Variants in ZNF600 observed in about 807,000 individuals in gnomAD.
The protein encoded by ZNF600 is zinc finger protein KR-ZNF1.
ZNF600 carries 4 observed loss-of-function variants against 7.3 expected under a neutral mutation model. That is an observed-to-expected ratio of 0.55 (90% CI 0.27 to 1.25). The LOEUF (loss-of-function observed/expected upper bound fraction) is 1.25, where lower values mean the gene tolerates loss of function less well. Ranked by LOEUF, ZNF600 falls within the 50% of genes most tolerant of loss-of-function variation. The pLI, the probability that ZNF600 is intolerant of heterozygous loss-of-function variation, is 0.12. For missense variants in ZNF600, 911 were observed against 922.1 expected, an observed-to-expected ratio of 0.99 and a Z score of 0.16; for synonymous variants, 290 against 308.9, an observed-to-expected ratio of 0.94 and a Z score of 0.64.
upstream of ZNF600, among the ~76,000 whole-genome samples, chr19:52,791,351 C>G (rs976667645): frequency 6.6e-6 from 1 of 152,202 alleles, no homozygotes; most frequent in African/African-American, 2.4e-5. Flanking sequence ...CTCAGAGCAG[C>G]TGAGAGGAAC....
At chr19:52,765,634 T>C (rs767135259) in exon 4 of ZNF600, 7 of 1,613,862 alleles carry the variant, frequency 4.3e-6, no homozygotes, top group South Asian at 1.1e-5. Flanking sequence ...TGAATAAGTG[T>C]TGACTGCTTG....
intron 1 of ZNF600, among the ~76,000 whole-genome samples, chr19:52,785,684 T>C (rs1413734384): frequency 2.0e-5 from 3 of 152,156 alleles, no homozygotes; most frequent in African/African-American, 7.2e-5. Flanking sequence ...TATACCCCTC[T>C]GTCCCCACTC....
chr19:52,779,848 C>T (rs1444986093), intron 1 of ZNF600, among the ~76,000 whole-genome samples: 5 of 152,086 alleles, frequency 3.3e-5, no homozygotes, highest in Non-Finnish European at 7.4e-5. Context: ...GGACACCAGC[C>T]AGCCAACATG....
chr19:52,816,178 A>T, the ZNF600 span, among the ~76,000 whole-genome samples: 757 of 145,582 alleles, frequency 5.2e-3, 127 homozygotes, highest in African/African-American at 0.019. Context: ...TTTTACCACA[A>T]AATATATACA....
At chr19:52,801,472 G>A in the ZNF600 span, 1 of 1,614,120 alleles carries the variant, frequency 6.2e-7, no homozygotes, top group Non-Finnish European at 8.5e-7. Context: ...TGATCATGTT[G>A]GCCTGTACTA....
At chr19:52,788,499 G>A (rs2062782977), upstream of ZNF600, among the ~76,000 whole-genome samples, 1 of 152,154 alleles carries the variant, frequency 6.6e-6, no homozygotes, top group African/African-American at 2.4e-5. Flanking sequence ...ACACAGGGGA[G>A]ACCTCACCAG....
the ZNF600 span, among the ~76,000 whole-genome samples, chr19:52,818,954 G>C: frequency 9.6e-5 from 13 of 136,030 alleles, 1 homozygote; most frequent in South Asian, 2.9e-4. Flanking sequence ...TGAGTAATGT[G>C]ATAGACACTG....
the ZNF600 span, among the ~76,000 whole-genome samples, chr19:52,808,474 T>C: frequency 6.6e-6 from 1 of 152,058 alleles, no homozygotes; most frequent in South Asian, 2.1e-4. Flanking sequence ...GATGACAATG[T>C]CCACAGTAAG....
chr19:52,800,590 C>T, the ZNF600 span: 3 of 1,613,124 alleles, frequency 1.9e-6, no homozygotes, highest in Admixed American at 1.7e-5. Context: ...TATGCAAAAG[C>T]CTTGTCACAA....
intron 1 of ZNF600, among the ~76,000 whole-genome samples, chr19:52,779,548 A>T (rs1488439955): frequency 6.6e-6 from 1 of 152,158 alleles, no homozygotes; most frequent in Non-Finnish European, 1.5e-5. Context: ...ATCACACAGA[A>T]CAGGCAACGT....
chr19:52,783,422 C>A (rs373832185), intron 1 of ZNF600, among the ~76,000 whole-genome samples: 2 of 152,084 alleles, frequency 1.3e-5, no homozygotes, highest in East Asian at 1.9e-4. Flanking sequence ...AGGGCAGTGG[C>A]GCGATCTCGG....
the ZNF600 span, among the ~76,000 whole-genome samples, chr19:52,827,020 GC>G: frequency 6.6e-6 from 1 of 151,970 alleles, no homozygotes; most frequent in African/African-American, 2.4e-5. Context: ...GCTATAGTGA[GC>G]TTTGACTATA....
the ZNF600 span, among the ~76,000 whole-genome samples, chr19:52,802,422 G>C: frequency 6.6e-6 from 1 of 151,754 alleles, no homozygotes; most frequent in Non-Finnish European, 1.5e-5. Context: ...GCTCATGCCT[G>C]TAATCCCAGT....
intron 1 of ZNF600, 84 bp from the exon 2 acceptor site, chr19:52,781,548 C>T (rs964845946): frequency 6.6e-6 from 1 of 152,166 alleles, no homozygotes; most frequent in Non-Finnish European, 1.5e-5. Context: ...AGGCCGATCA[C>T]TGGAGCCGAG....
chr19:52,774,633 C>T (rs199580586), exon 3 of ZNF600: 412 of 985,204 alleles, frequency 4.2e-4, no homozygotes, highest in Admixed American at 9.8e-4. Flanking sequence ...AAGCCCTCTG[C>T]GAAGGGTTCA....
chr19:52,784,884 A>G (rs979418932), intron 1 of ZNF600, among the ~76,000 whole-genome samples: 1 of 151,884 alleles, frequency 6.6e-6, no homozygotes, highest in Non-Finnish European at 1.5e-5. Flanking sequence ...ACACTATCAC[A>G]CCCGGTTAAA....
chr19:52,813,630 T>C, the ZNF600 span, among the ~76,000 whole-genome samples: 2 of 143,336 alleles, frequency 1.4e-5, no homozygotes, highest in African/African-American at 5.5e-5. Context: ...CCACCCCTCT[T>C]CTCTGGCCCC....
chr19:52,787,640 T>C (rs532087602), upstream of ZNF600, among the ~76,000 whole-genome samples: 11 of 151,322 alleles, frequency 7.3e-5, no homozygotes, highest in African/African-American at 1.7e-4. Context: ...GGGCAGATCA[T>C]GAGGTCAGGA....
exon 4 of ZNF600, chr19:52,764,878 C>CA (rs1483511227): frequency 5.7e-6 from 1 of 174,690 alleles, no homozygotes; most frequent in Non-Finnish European, 1.2e-5. Context: ...AGTACTATCT[C>CA]AAAAAAGAAA....
Sources: allele counts gnomAD v4.1 joint callset (sites outside exome capture counted in the v4.1 genomes callset), GRCh38; gene constraint gnomAD v4.1.1; transcripts MANE v1.5; gene names NCBI Gene and HGNC (gene_info 2026-07-23, HGNC 2026-07-21).